CDH7: variants seen among roughly 807,000 people sequenced by gnomAD.
The protein encoded by CDH7 is cadherin-7.
In CDH7, 25 loss-of-function variants were observed where a neutral mutation model predicts 71.8. That is an observed-to-expected ratio of 0.35 (90% confidence interval 0.25 to 0.49). The LOEUF (loss-of-function observed/expected upper bound fraction) is 0.49. Ranked by LOEUF, CDH7 falls within the 20% of genes least tolerant of loss-of-function variation. CDH7 has a pLI of 0.99. For missense variants in CDH7, 862 were observed against 974.6 expected, an observed-to-expected ratio of 0.88 and a Z score of 1.54; for synonymous variants, 381 against 363.8, an observed-to-expected ratio of 1.05 and a Z score of -0.54.
At chr18:65,778,295 A>AC (rs1327365252) in intron 2 of CDH7, among the ~76,000 whole-genome samples, 2 of 150,876 alleles carry the variant, frequency 1.3e-5, no homozygotes, top group Admixed American at 6.6e-5. Flanking sequence ...AAAAAAAAAA[A>AC]AAAAAACCTA....
At chr18:65,776,614 C>T (rs1398451654) in intron 2 of CDH7, among the ~76,000 whole-genome samples, 1 of 152,108 alleles carries the variant, frequency 6.6e-6, no homozygotes, top group East Asian at 1.9e-4. Context: ...AATTTTCTCT[C>T]ACTCTCTCTC....
intron 4 of CDH7, among the ~76,000 whole-genome samples, chr18:65,819,075 G>A (rs1056471993): frequency 6.6e-6 from 1 of 151,986 alleles, no homozygotes; most frequent in South Asian, 2.1e-4. Flanking sequence ...ATAAGAGATC[G>A]CTAGCTGCCC....
chr18:65,864,435 T>C (rs528455230), intron 11 of CDH7, among the ~76,000 whole-genome samples: 1 of 151,632 alleles, frequency 6.6e-6, no homozygotes, highest in South Asian at 2.1e-4. Flanking sequence ...CCAGATATTG[T>C]TAGTCTATTT....
intron 2 of CDH7, among the ~76,000 whole-genome samples, chr18:65,781,258 T>C (rs1366835900): frequency 6.6e-6 from 1 of 152,164 alleles, no homozygotes; most frequent in Non-Finnish European, 1.5e-5. Context: ...TTACATAGAT[T>C]AGCCTCATTT....
chr18:65,836,013 C>T (rs555437252), intron 6 of CDH7, among the ~76,000 whole-genome samples: 2 of 152,164 alleles, frequency 1.3e-5, no homozygotes, highest in South Asian at 2.1e-4. Context: ...GATACAGTAA[C>T]GGAACCCAAG....
intron 11 of CDH7, among the ~76,000 whole-genome samples, chr18:65,869,545 ATTTTTT>A (rs10696115): frequency 4.5e-4 from 41 of 91,378 alleles, no homozygotes; most frequent in African/African-American, 8.5e-4. Flanking sequence ...AAGTGGGTCA[ATTTTTT>A]TTTTTTTTTT....
chr18:65,843,685 T>G, intron 6 of CDH7, 127 bp from the exon 7 acceptor site: 1 of 749,370 alleles, frequency 1.3e-6, no homozygotes, highest in Non-Finnish European at 2.0e-6. Context: ...TTTATTATTT[T>G]TGGATGCTGA....
intron 6 of CDH7, among the ~76,000 whole-genome samples, chr18:65,842,926 A>G (rs1343657845): frequency 1.3e-5 from 2 of 151,628 alleles, no homozygotes; most frequent in East Asian, 3.9e-4. Context: ...ACAGTTTTGC[A>G]AGTGGTAAGA....
At chr18:65,872,189 C>A (rs1304363796) in intron 11 of CDH7, among the ~76,000 whole-genome samples, 1 of 152,034 alleles carries the variant, frequency 6.6e-6, no homozygotes, top group Non-Finnish European at 1.5e-5. Context: ...AGTTCTGTGT[C>A]AGATAGGACA....
chr18:65,752,889 A>T (rs1399852379), intron 1 of CDH7, among the ~76,000 whole-genome samples: 1 of 152,226 alleles, frequency 6.6e-6, no homozygotes, highest in Non-Finnish European at 1.5e-5. Context: ...TTACAACGTG[A>T]GATATTATTG....
At chr18:65,860,701 A>T (rs1913533334) in intron 10 of CDH7, among the ~76,000 whole-genome samples, 1 of 152,250 alleles carries the variant, frequency 6.6e-6, no homozygotes, top group East Asian at 1.9e-4. Flanking sequence ...TTAGGAAAAA[A>T]GTACAGAATT....
chr18:65,814,567 G>T lies in CDH7; in HGVS notation c.588G>T (p.Leu196=). The part of the protein sequence containing the change: ...GNSARVVYSI[L]QGQPYFSVEP... ...GTGCCAGAGTGGTCTACAGTATTCT[G>T]CAAGGACAGCCGTACTTCTCAGTGG... The change falls in exon 4 of 12, where the codon CTG becomes CTT. Residue 196 remains leucine, a synonymous_variant. Coordinates refer to ENST00000397968, the MANE Select transcript of CDH7 (RefSeq NM_004361.5). 6.2e-7 allele frequency: 1 copy of T among 1,613,564 alleles called. No homozygotes were observed. Among genetic ancestry groups the T allele is most frequent in the Non-Finnish European group, 8.5e-7 (1 of 1,179,706 alleles).
chr18:65,795,601 G>A (rs1293992451), intron 2 of CDH7, among the ~76,000 whole-genome samples: 2 of 152,166 alleles, frequency 1.3e-5, no homozygotes, highest in Non-Finnish European at 2.9e-5. Flanking sequence ...CACTCTTAGT[G>A]TGTATATTTG....
chr18:65,811,701 A>G (rs982115732), intron 3 of CDH7, among the ~76,000 whole-genome samples: 1 of 152,190 alleles, frequency 6.6e-6, no homozygotes, highest in Non-Finnish European at 1.5e-5. Context: ...ATTCAATTCA[A>G]CTTCGTACTC....
chr18:65,815,120 A>ATTAAT (rs1911678950), intron 4 of CDH7, among the ~76,000 whole-genome samples: 1 of 152,194 alleles, frequency 6.6e-6, no homozygotes, highest in African/African-American at 2.4e-5. Flanking sequence ...ATTTGGGGGA[A>ATTAAT]CAATTTTTAC....
intron 11 of CDH7, among the ~76,000 whole-genome samples, chr18:65,872,982 GA>G (rs1437526442): frequency 1.3e-5 from 2 of 150,960 alleles, no homozygotes; most frequent in Non-Finnish European, 3.0e-5. Flanking sequence ...AATTAAAAAA[GA>G]AAAAAATTAC....
rs970917547 is a variant in CDH7 at position 65,783,600 on chromosome 18, A to G, written c.210+20548A>G. On this transcript the variant is annotated intron_variant, in intron 2 of 11. Coordinates refer to ENST00000397968, the MANE Select transcript of CDH7 (RefSeq NM_004361.5). ...TATATACAGTTTCTATGGAAAATTCAGTGGTCCAAAAATTTCCGTAGAATT... is the reference window on the plus strand; with the variant it reads ...TATATACAGTTTCTATGGAAAATTCGGTGGTCCAAAAATTTCCGTAGAATT... Among the ~76,000 whole-genome samples, 8 of 152,318 alleles carry G rather than the reference A, an allele frequency of 5.3e-5. No homozygotes were observed. In the East Asian group the frequency reaches 1.4e-3, roughly 26 times the overall value.
intron 2 of CDH7, chr18:65,803,800 T>C (rs1328511435): frequency 1.3e-5 from 2 of 151,090 alleles, no homozygotes; most frequent in African/African-American, 4.9e-5. Context: ...GTTCTAATAA[T>C]CTGGAATACA....
chr18:65,858,762 A>ATG (rs1336795922), intron 8 of CDH7, among the ~76,000 whole-genome samples, 163 bp from the exon 9 acceptor site: 2 of 151,984 alleles, frequency 1.3e-5, no homozygotes, highest in East Asian at 3.9e-4. Flanking sequence ...ATACATATGA[A>ATG]TGTGTGTGTG....
Sources: allele counts gnomAD v4.1 joint callset (sites outside exome capture counted in the v4.1 genomes callset), GRCh38; gene constraint gnomAD v4.1.1; transcripts MANE v1.5; gene names NCBI Gene and HGNC (gene_info 2026-07-23, HGNC 2026-07-21).